Variants in DLG2 observed in about 807,000 individuals in gnomAD.
The protein encoded by DLG2 is discs large MAGUK scaffold protein 2.
A neutral mutation model predicts 132.5 loss-of-function variants in DLG2; 45 were observed. The observed-to-expected ratio is 0.34, with a 90% CI of 0.27 to 0.44. The LOEUF is 0.44. Among genes scored for constraint, DLG2 ranks in the 20% least tolerant of loss-of-function variants. DLG2 has a pLI of 1.00. For synonymous variants in DLG2, 424 were observed against 419.6 expected, an observed-to-expected ratio of 1.01 and a Z score of -0.13; for missense variants, 1,045 against 1,196.9, an observed-to-expected ratio of 0.87 and a Z score of 1.87.
chr11:83,671,950 T>G (rs1214106531), intron 18 of DLG2, among the ~76,000 whole-genome samples: 1 of 152,214 alleles, frequency 6.6e-6, no homozygotes, highest in Non-Finnish European at 1.5e-5. Flanking sequence ...TTTGTTACTT[T>G]TAAGTGTTTC....
At chr11:85,007,423 A>C (rs529260097) in intron 6 of DLG2, among the ~76,000 whole-genome samples, 1 of 152,008 alleles carries the variant, frequency 6.6e-6, no homozygotes, top group African/African-American at 2.4e-5. Flanking sequence ...CACTTTGGGA[A>C]GCTAAGGCGG....
intron 7 of DLG2, among the ~76,000 whole-genome samples, chr11:84,355,567 G>A (rs949691733): frequency 6.6e-6 from 1 of 152,056 alleles, no homozygotes; most frequent in Non-Finnish European, 1.5e-5. Context: ...AGAACTGTGA[G>A]AGATAAACTT....
intron 4 of DLG2, among the ~76,000 whole-genome samples, chr11:85,229,309 C>T (rs2075160509): frequency 6.6e-6 from 1 of 151,764 alleles, no homozygotes; most frequent in Non-Finnish European, 1.5e-5. Context: ...AAAAAACCAC[C>T]CCATCAAAAA....
chr11:83,924,361 C>G (rs1183267309), intron 15 of DLG2, among the ~76,000 whole-genome samples: 2 of 152,102 alleles, frequency 1.3e-5, no homozygotes, highest in Non-Finnish European at 2.9e-5. Flanking sequence ...ACACATATAC[C>G]TGCTGACTTT....
At chr11:84,192,751 AT>A (rs111275759) in intron 8 of DLG2, among the ~76,000 whole-genome samples, 7,299 of 151,720 alleles carry the variant, frequency 0.048, 208 homozygotes, top group Non-Finnish European at 0.06. Flanking sequence ...AAATAAAAAA[AT>A]AAAAGAAATT....
At chr11:85,609,551 G>C (rs1178241506) in intron 2 of DLG2, among the ~76,000 whole-genome samples, 1 of 152,172 alleles carries the variant, frequency 6.6e-6, no homozygotes, top group Non-Finnish European at 1.5e-5. Flanking sequence ...AAAAAAGATT[G>C]TCCAATGAGA....
intron 21 of DLG2, among the ~76,000 whole-genome samples, chr11:83,493,402 C>T (rs1360851323): frequency 7.6e-6 from 1 of 132,048 alleles, no homozygotes; most frequent in African/African-American, 2.8e-5. Flanking sequence ...CTTTCTCTCT[C>T]TTTCAACATT....
intron 4 of DLG2, among the ~76,000 whole-genome samples, chr11:85,280,906 C>A (rs1207084067): frequency 6.6e-6 from 1 of 151,828 alleles, no homozygotes; most frequent in Non-Finnish European, 1.5e-5. Flanking sequence ...ATAAAAATTT[C>A]TATCATATTT....
intron 4 of DLG2, among the ~76,000 whole-genome samples, chr11:85,211,014 G>C (rs796343212): frequency 2.8e-4 from 43 of 152,070 alleles, no homozygotes; most frequent in African/African-American, 1.0e-3. Context: ...TGGAGTACCT[G>C]AAATAATACA....
intron 4 of DLG2, among the ~76,000 whole-genome samples, chr11:85,258,440 A>T (rs999210856): frequency 6.6e-6 from 1 of 152,182 alleles, no homozygotes. Context: ...TAAAGAACAA[A>T]ATTCAAGCAA....
chr11:83,740,321 C>T (rs2092401076), intron 18 of DLG2, among the ~76,000 whole-genome samples: 1 of 152,124 alleles, frequency 6.6e-6, no homozygotes, highest in Non-Finnish European at 1.5e-5. Context: ...CTATACAACA[C>T]TAAAAATGAA....
intron 12 of DLG2, among the ~76,000 whole-genome samples, chr11:83,975,429 A>G (rs2092052144): frequency 6.6e-6 from 1 of 152,014 alleles, no homozygotes; most frequent in African/African-American, 2.4e-5. Context: ...ATTTTGCTAA[A>G]AAGAACATAT....
chr11:85,260,520 G>A (rs1300588156), intron 4 of DLG2, among the ~76,000 whole-genome samples: 2 of 152,120 alleles, frequency 1.3e-5, no homozygotes, highest in African/African-American at 4.8e-5. Flanking sequence ...ACCTTAAACT[G>A]TAAATTCCTT....
At chr11:85,616,506 T>G (rs531507191) in intron 2 of DLG2, among the ~76,000 whole-genome samples, 1 of 152,296 alleles carries the variant, frequency 6.6e-6, no homozygotes, top group Non-Finnish European at 1.5e-5. Context: ...CAGCGACAAC[T>G]GGTTCCCTAC....
intron 7 of DLG2, among the ~76,000 whole-genome samples, chr11:84,508,265 C>T (rs1434923152): frequency 6.6e-6 from 1 of 152,120 alleles, no homozygotes; most frequent in East Asian, 1.9e-4. Context: ...GTTTCTTGAA[C>T]ATAATAAGCA....
At chr11:83,612,758 G>C (rs769466017) in intron 19 of DLG2, among the ~76,000 whole-genome samples, 1 of 152,174 alleles carries the variant, frequency 6.6e-6, no homozygotes, top group Admixed American at 6.5e-5. Flanking sequence ...GAAGGAGGAA[G>C]AGACAGTATG....
At chr11:84,974,283 T>G (rs969685322) in intron 6 of DLG2, among the ~76,000 whole-genome samples, 7 of 152,198 alleles carry the variant, frequency 4.6e-5, no homozygotes, top group African/African-American at 1.7e-4. Context: ...TGAAATTGCT[T>G]CTTTGCCATC....
chr11:83,686,233 A>G (rs1318592020), intron 18 of DLG2, among the ~76,000 whole-genome samples: 2 of 152,018 alleles, frequency 1.3e-5, no homozygotes, highest in African/African-American at 4.8e-5. Context: ...TGCTCCTTTC[A>G]CTGCAGCCAG....
At chr11:84,905,685 C>T (rs1471767228) in intron 6 of DLG2, among the ~76,000 whole-genome samples, 1 of 152,172 alleles carries the variant, frequency 6.6e-6, no homozygotes, top group East Asian at 1.9e-4. Flanking sequence ...CAAAAGTAAG[C>T]ATGGGCTGAC....
Sources: gnomAD v4.1 joint callset for allele counts (sites outside exome capture counted in the v4.1 genomes callset) on GRCh38, gnomAD v4.1.1 for gene constraint, MANE v1.5 for transcripts, NCBI Gene and HGNC (gene_info 2026-07-23, HGNC 2026-07-21) for gene names.